Variants in PHKB observed in about 807,000 individuals in gnomAD.
PHKB encodes phosphorylase kinase regulatory subunit beta.
A neutral mutation model predicts 152.1 loss-of-function variants in PHKB; 122 were observed. The observed-to-expected ratio is 0.80, with a 90% CI of 0.69 to 0.93. The LOEUF (loss-of-function observed/expected upper bound fraction) is 0.93, where lower values mean the gene tolerates loss of function less well. Ranked by LOEUF, PHKB falls within the 40% of genes least tolerant of loss-of-function variation. PHKB has a pLI of 0.00. For missense variants in PHKB, 1,304 were observed against 1,328.4 expected, an observed-to-expected ratio of 0.98 and a Z score of 0.29; for synonymous variants, 436 against 464.9, an observed-to-expected ratio of 0.94 and a Z score of 0.80.
rs201225145 is a variant in PHKB at position 47,570,856 on chromosome 16, CTG to C, written c.711-9437_711-9436del. 3.0e-4 allele frequency among the ~76,000 whole-genome samples: 46 copies of C among 152,166 alleles called. No individual in the cohort carries two copies. In the East Asian group the frequency reaches 8.1e-3, roughly 27 times the overall value. The stretch of plus-strand genomic sequence containing the variant: ...GGAGGGGGTAGTATTGTAAATAAAA[CTG>C]TTTTTTCATATTGCCAGAATTATTT... On this transcript the variant is annotated intron_variant, in intron 7 of 30. Transcript: ENST00000323584.
At chr16:47,518,295 T>A (rs1343545780) in intron 6 of PHKB, among the ~76,000 whole-genome samples, 1 of 152,202 alleles carries the variant, frequency 6.6e-6, no homozygotes, top group African/African-American at 2.4e-5. Context: ...TACACATACA[T>A]ATGTAATGAA....
chr16:47,516,104 T>G (rs1597047982), intron 6 of PHKB, among the ~76,000 whole-genome samples: 1 of 152,130 alleles, frequency 6.6e-6, no homozygotes, highest in Non-Finnish European at 1.5e-5. Flanking sequence ...ATTTTTTGTA[T>G]TTTAGTAGAG....
chr16:47,598,048 A>T (rs974191278), intron 13 of PHKB: 3 of 152,202 alleles, frequency 2.0e-5, no homozygotes, highest in African/African-American at 7.2e-5. Context: ...AAACAGAGTA[A>T]ATGGTATAAT....
In PHKB at chr16:47,669,359, G is replaced by C; in HGVS notation, c.2572G>C (p.Gly858Arg). 6.2e-7 allele frequency: 1 copy of C among 1,614,140 alleles called. No individual in the cohort carries two copies. Among genetic ancestry groups the C allele is most frequent in the Non-Finnish European group, 8.5e-7 (1 of 1,180,010 alleles). Reference sequence around the variant, plus strand: ...TCAGCAAGAACTGGTCATCCATATTGGCTGGATCATCTCCAATAACCCTGA... The same window carrying C: ...TCAGCAAGAACTGGTCATCCATATTCGCTGGATCATCTCCAATAACCCTGA... ...VIQQELVIHIGWIISNNPELF... is the reference protein window; with the variant it reads ...VIQQELVIHIRWIISNNPELF... Residue 858 changes from glycine to arginine, a missense_variant, in exon 26 of 31, where the codon GGC (glycine) becomes CGC (arginine). By Grantham distance (125) the Gly-to-Arg change is moderately radical. Transcript: ENST00000323584.
At chr16:47,663,909 C>T in intron 24 of PHKB, 175 bp downstream of exon 24, 2 of 636,354 alleles carry the variant, frequency 3.1e-6, no homozygotes, top group South Asian at 3.7e-5. Flanking sequence ...CCCCCACTGC[C>T]TCCACCAAAA....
chr16:47,579,040 A>G (rs1259792345), intron 7 of PHKB, among the ~76,000 whole-genome samples: 1 of 152,128 alleles, frequency 6.6e-6, no homozygotes. Flanking sequence ...CAGTTACCAT[A>G]GTGTCGTTCA....
At chr16:47,558,464 C>A (rs1971420507) in intron 7 of PHKB, among the ~76,000 whole-genome samples, 1 of 152,084 alleles carries the variant, frequency 6.6e-6, no homozygotes, top group Non-Finnish European at 1.5e-5. Context: ...TTGCTGTTGC[C>A]AGAGATTTGA....
chr16:47,525,380 TAA>T (rs1439476093), intron 6 of PHKB, among the ~76,000 whole-genome samples: 1 of 152,162 alleles, frequency 6.6e-6, no homozygotes, highest in African/African-American at 2.4e-5. Flanking sequence ...CTATCAGTGT[TAA>T]GAGATGTATA....
At chr16:47,566,879 T>C in intron 7 of PHKB, 1 of 689,362 alleles carries the variant, frequency 1.5e-6, no homozygotes, top group South Asian at 1.4e-5. Context: ...TATTCTTCTT[T>C]TTTGCTTAGT....
At chr16:47,668,292 C>T (rs551162732) in intron 25 of PHKB, among the ~76,000 whole-genome samples, 1 of 152,290 alleles carries the variant, frequency 6.6e-6, no homozygotes, top group African/African-American at 2.4e-5. Flanking sequence ...CTAACTGGTT[C>T]ATGCCACTTG....
chr16:47,521,797 T>C (rs564792225), intron 6 of PHKB, among the ~76,000 whole-genome samples: 1 of 152,342 alleles, frequency 6.6e-6, no homozygotes, highest in South Asian at 2.1e-4. Context: ...TTAATATTTT[T>C]TCTATATCTG....
chr16:47,597,678 CTTTTTTT>C lies in PHKB; in HGVS notation c.1363+1160_1363+1166del, dbSNP rs1010545365. 6.5e-5 allele frequency: 7 copies of C among 107,880 alleles called. 1 individual carries two copies. Among genetic ancestry groups the C allele is most frequent in the East Asian group, 2.6e-4 (1 of 3,780 alleles). 6.7% of individuals were successfully genotyped at this position (107,880 alleles called of 1,614,324 possible). A position where few individuals can be genotyped will look rare whatever the true frequency, so the allele number is the denominator to read the frequency against. ...GAAATAGTTTTCTTTTTTCTTTTTT[CTTTTTTT>C]TTTTTTTTTTTTAGTGATTCCGCTT... is the stretch of plus-strand genomic sequence containing the variant. On this transcript the variant is annotated intron_variant, in intron 13 of 30. Coordinates refer to ENST00000323584, the MANE Select transcript of PHKB (RefSeq NM_000293.3).
intron 26 of PHKB, among the ~76,000 whole-genome samples, chr16:47,670,358 G>A (rs998897597): frequency 6.6e-6 from 1 of 152,192 alleles, no homozygotes; most frequent in Non-Finnish European, 1.5e-5. Context: ...CTTGCTAACT[G>A]TAAAACTGGA....
chr16:47,572,936 G>A (rs930757928), intron 7 of PHKB, among the ~76,000 whole-genome samples: 2 of 152,144 alleles, frequency 1.3e-5, no homozygotes, highest in Non-Finnish European at 2.9e-5. Context: ...GGGACTTGTT[G>A]AGGCCATTAT....
chr16:47,675,328 G>A (rs2142085472), intron 26 of PHKB, among the ~76,000 whole-genome samples: 1 of 152,190 alleles, frequency 6.6e-6, no homozygotes. Flanking sequence ...AAAATGTGAA[G>A]ATGTTTTGCA....
In PHKB at chr16:47,658,809, AGTGTGTGTGT is replaced by A. The variant is rs36066227; in HGVS notation, c.1972-1664_1972-1655del. ...TCTTGGTCATTAAGCAATGCATGACAGTGTGTGTGTGTGTGTGTGTGTGTGTGTGTGTGTG... is the reference window on the plus strand; with the variant it reads ...TCTTGGTCATTAAGCAATGCATGACAGTGTGTGTGTGTGTGTGTGTGTGTG... On this transcript the variant is annotated intron_variant, in intron 20 of 30. Transcript: ENST00000323584. 1.7e-4 allele frequency among the ~76,000 whole-genome samples: 24 copies of A among 140,824 alleles called. No individual in the cohort carries two copies. The East Asian group carries it at 1.9e-3, about 11-fold the overall frequency. 92.4% of individuals were successfully genotyped at this position (140,824 alleles called of 152,430 possible). A position where few individuals can be genotyped will look rare whatever the true frequency, so the allele number is the denominator to read the frequency against.
intron 19 of PHKB, 47 bp from the exon 20 acceptor site, chr16:47,650,784 A>G: frequency 7.1e-7 from 1 of 1,401,922 alleles, no homozygotes; most frequent in Non-Finnish European, 1.0e-6. Context: ...TTATTAATTT[A>G]CCATTCTGTT....
intron 7 of PHKB, chr16:47,566,656 A>C: frequency 1.1e-6 from 1 of 947,442 alleles, no homozygotes; most frequent in Non-Finnish European, 1.7e-6. Context: ...TTGGGTTCCC[A>C]AGCAGCCCCT....
intron 25 of PHKB, among the ~76,000 whole-genome samples, chr16:47,668,561 C>T (rs1336481780): frequency 3.3e-5 from 5 of 152,170 alleles, no homozygotes; most frequent in Non-Finnish European, 7.3e-5. Context: ...TTGCCAGCTT[C>T]AGCAGCATTC....
Sources: gnomAD v4.1 joint callset for allele counts (sites outside exome capture counted in the v4.1 genomes callset) on GRCh38, gnomAD v4.1.1 for gene constraint, MANE v1.5 for transcripts, NCBI Gene and HGNC (gene_info 2026-07-23, HGNC 2026-07-21) for gene names.